Variants in KLC1 observed in about 807,000 individuals in gnomAD.
KLC1 encodes kinesin 2 60/70kDa.
A neutral mutation model predicts 84.2 loss-of-function variants in KLC1; 30 were observed. The observed-to-expected ratio is 0.36, with a 90% confidence interval of 0.27 to 0.48. The LOEUF (loss-of-function observed/expected upper bound fraction) is 0.48, where lower values mean the gene tolerates loss of function less well. Among genes scored for constraint, KLC1 ranks in the 20% least tolerant of loss-of-function variants. KLC1 has a pLI of 0.99. For synonymous variants in KLC1, 289 were observed against 293.3 expected (o/e 0.99, Z 0.15); for missense variants, 499 against 805.4 (o/e 0.62, Z 4.60).
intron 5 of KLC1, among the ~76,000 whole-genome samples, chr14:103,669,047 A>G (rs2080149247): frequency 6.6e-6 from 1 of 151,420 alleles, no homozygotes; most frequent in Non-Finnish European, 1.5e-5. Context: ...CAAAGTGCTG[A>G]GATTACAGGC....
intron 13 of KLC1, among the ~76,000 whole-genome samples, chr14:103,680,316 A>G (rs1467679078): frequency 7.1e-6 from 1 of 141,124 alleles, no homozygotes; most frequent in Non-Finnish European, 1.5e-5. Context: ...TGTCTTTGGT[A>G]TTTTACTTTT....
At chr14:103,683,454 A>G (rs1315969875) in intron 13 of KLC1, 2 of 152,134 alleles carry the variant, frequency 1.3e-5, no homozygotes, top group South Asian at 2.1e-4. Context: ...GTGCACAGAA[A>G]TCCTTTTCTG....
At chr14:103,699,920 A>G (rs1332406185) in intron 15 of KLC1, 4 of 370,754 alleles carry the variant, frequency 1.1e-5, no homozygotes, top group Non-Finnish European at 2.1e-5. Context: ...TCCTTCTGCC[A>G]TGGTTTCACC....
chr14:103,670,158 T>C, intron 6 of KLC1, 24 bp from the exon 7 acceptor site: 1 of 1,551,518 alleles, frequency 6.4e-7, no homozygotes, highest in Non-Finnish European at 8.9e-7. Flanking sequence ...TTACCATTCT[T>C]AGTGGTTCTC....
rs1449386053 is a variant in KLC1 at position 103,693,229 on chromosome 14, G to A, written c.1848+804G>A. On this transcript the variant is annotated intron_variant, in intron 15 of 16. Transcript: ENST00000334553. The surrounding 1 kb of genome is among the most constrained non-coding windows in gnomAD (Gnocchi z 5.1). ...CCCGACCTGTCCCCCAACACTCTTG[G>A]GAGGCAGCCATCTCGGGAAAGCTTT... 6.6e-6 allele frequency among the ~76,000 whole-genome samples: 1 copy of A among 151,900 alleles called. No homozygotes were observed. The highest frequency in any genetic ancestry group is 1.5e-5 in the Non-Finnish European group (1 of 67,998).
In KLC1 at chr14:103,693,496, C is replaced by T. The variant is rs2082239025; in HGVS notation, c.1848+1071C>T. 2 of 1,534,436 alleles carry T rather than the reference C, an allele frequency of 1.3e-6. No individual in the cohort carries two copies. The highest frequency in any genetic ancestry group is 1.7e-6 in the Non-Finnish European group (2 of 1,146,062). On this transcript the variant is annotated intron_variant, in intron 15 of 16. Transcript: ENST00000334553. This position sits in a 1 kb window ranked among gnomAD's most constrained non-coding sequence, Gnocchi z 5.1. ...CTGTTAGGCCTGAGGCCATTTGAAG[C>T]TGGCATCATTTGAAGTCCTGGTTAA... is the stretch of plus-strand genomic sequence containing the variant.
chr14:103,673,488 GTAA>G, intron 9 of KLC1, 57 bp downstream of exon 9: 1 of 1,058,864 alleles, frequency 9.4e-7, no homozygotes, highest in Non-Finnish European at 1.4e-6. Flanking sequence ...TTGACTAATA[GTAA>G]TATACTAATA....
At chr14:103,667,366 C>T (rs1429363746) in intron 5 of KLC1, among the ~76,000 whole-genome samples, 1 of 152,214 alleles carries the variant, frequency 6.6e-6, no homozygotes, top group African/African-American at 2.4e-5. Flanking sequence ...CTCAGCCTCC[C>T]AGAGTGCTGG....
rs144521195 is a variant in KLC1 at position 103,694,347 on chromosome 14, G to A, written c.1848+1922G>A. On this transcript the variant is annotated intron_variant, in intron 15 of 16. Coordinates refer to ENST00000334553, the MANE Select transcript of KLC1 (RefSeq NM_001394837.1). The surrounding 1 kb of genome is among the most constrained non-coding windows in gnomAD (Gnocchi z 4.5). ...GCCCACTGCAAGCTCCACCTCCTGG[G>A]TTCACGCCATTCTCCTGCCTCAGCC... is the stretch of plus-strand genomic sequence containing the variant. 0.024 allele frequency: 22,818 copies of A among 931,744 alleles called. 329 individuals are homozygous for A. The highest frequency in any genetic ancestry group is 0.043 in the South Asian group (863 of 20,144). 57.7% of individuals were successfully genotyped at this position (931,744 alleles called of 1,614,324 possible). A position where few individuals can be genotyped will look rare whatever the true frequency, so the allele number is the denominator to read the frequency against.
intron 9 of KLC1, among the ~76,000 whole-genome samples, chr14:103,674,973 T>TC (rs2080755542): frequency 6.6e-6 from 1 of 152,150 alleles, no homozygotes; most frequent in South Asian, 2.1e-4. Context: ...ATAGACTTTT[T>TC]CCTCCAGTGT....
At chr14:103,680,279 T>A (rs1471714058) in intron 13 of KLC1, among the ~76,000 whole-genome samples, 1 of 152,034 alleles carries the variant, frequency 6.6e-6, no homozygotes, top group African/African-American at 2.4e-5. Flanking sequence ...CATGGATTTT[T>A]TTTTTTTTTT....
intron 1 of KLC1, among the ~76,000 whole-genome samples, chr14:103,652,213 A>G (rs768652028): frequency 4.6e-5 from 7 of 152,180 alleles, no homozygotes; most frequent in African/African-American, 1.2e-4. Context: ...AGGAACCTCA[A>G]AGATGTTCAG....
In KLC1 at chr14:103,654,844, C is replaced by T; in HGVS notation, c.261+19C>T. 1.3e-6 allele frequency: 2 copies of T among 1,594,462 alleles called. No individual in the cohort carries two copies. The highest frequency in any genetic ancestry group is 1.4e-5 in the African/African-American group (1 of 74,060). The stretch of plus-strand genomic sequence containing the variant: ...GGCACAGGTACGAGTGAGAATGACT[C>T]AGACGTTATCAGGAACTTTTGATGG... On this transcript the variant is annotated intron_variant, in intron 2 of 16. Coordinates refer to ENST00000334553, the MANE Select transcript of KLC1 (RefSeq NM_001394837.1).
intron 1 of KLC1, among the ~76,000 whole-genome samples, chr14:103,651,692 G>T (rs928466123): frequency 6.6e-6 from 1 of 152,184 alleles, no homozygotes; most frequent in African/African-American, 2.4e-5. Flanking sequence ...CTTGGTACTG[G>T]GTCTGGCTTT....
intron 13 of KLC1, 77 bp downstream of exon 13, chr14:103,679,622 A>C: frequency 9.2e-7 from 1 of 1,083,510 alleles, no homozygotes; most frequent in Admixed American, 1.9e-5. Flanking sequence ...CTCCTGTCTC[A>C]TGTGCTAGAC....
chr14:103,690,557 G>A (rs1027601274), intron 14 of KLC1, among the ~76,000 whole-genome samples: 1 of 152,216 alleles, frequency 6.6e-6, no homozygotes, highest in African/African-American at 2.4e-5. Context: ...GGCTGTCCCT[G>A]TCACCCCTCA....
chr14:103,633,287 G>T (rs1002288872), intron 1 of KLC1, among the ~76,000 whole-genome samples: 2 of 152,052 alleles, frequency 1.3e-5, no homozygotes. Context: ...TCCATCTCCT[G>T]ACCTCGTGAT....
At chr14:103,643,593 A>G (rs1417760276) in intron 1 of KLC1, among the ~76,000 whole-genome samples, 3 of 152,188 alleles carry the variant, frequency 2.0e-5, no homozygotes, top group African/African-American at 4.8e-5. Context: ...GGTTTTATAC[A>G]TTTTAGAGAG....
At chr14:103,674,636 A>C (rs2080725773) in intron 9 of KLC1, among the ~76,000 whole-genome samples, 1 of 152,034 alleles carries the variant, frequency 6.6e-6, no homozygotes, top group Non-Finnish European at 1.5e-5. Flanking sequence ...ACTGGTCTTG[A>C]ACTCCTGACC....
Sources: gnomAD v4.1 joint callset for allele counts (sites outside exome capture counted in the v4.1 genomes callset) on GRCh38, gnomAD v4.1.1 for gene constraint, Gnocchi (gnomAD v3.1) non-coding constraint, MANE v1.5 for transcripts, NCBI Gene and HGNC (gene_info 2026-07-23, HGNC 2026-07-21) for gene names.